KATNAL2: variants seen among roughly 807,000 people sequenced by gnomAD.
KATNAL2 encodes the protein katanin p60 ATPase-containing subunit A-like 2.
A neutral mutation model predicts 76.3 loss-of-function variants in KATNAL2; 52 were observed. The observed-to-expected ratio is 0.68, with a 90% CI of 0.55 to 0.86. KATNAL2 has a LOEUF of 0.86. Among genes scored for constraint, KATNAL2 ranks in the 40% least tolerant of loss-of-function variants. The pLI is 0.00. For synonymous variants in KATNAL2, 243 were observed against 244.2 expected (o/e 1.00, Z 0.05); for missense variants, 660 against 668.9 (o/e 0.99, Z 0.15).
Position 46,946,859 on chromosome 18 carries a change from T to A in KATNAL2, c.-14T>A. 1 of 1,535,576 alleles carries A rather than the reference T, an allele frequency of 6.5e-7. No homozygotes were observed. Among genetic ancestry groups the A allele is most frequent in the East Asian group, 2.4e-5 (1 of 40,932 alleles). ...TACTTTTCTCCCTTCTCTAGGGTCC[T>A]AGCACAGTGTCTGATGGAGCTTTCC... On this transcript the variant is annotated 5_prime_UTR_variant, in exon 3 of 18. Transcript: ENST00000683218.
In KATNAL2 at chr18:47,033,157, C is replaced by A. The variant is rs577341359; in HGVS notation, c.52-13300C>A. On this transcript the variant is annotated intron_variant, in intron 3 of 17. Transcript: ENST00000683218. ...GTTGGCCCGCTTCTCAGGGAGCCAG[C>A]GAAGGATGCTGCTGCTGCTGTCTCT... 3.7e-6 allele frequency: 6 copies of A among 1,613,924 alleles called. No individual in the cohort carries two copies. In the African/African-American group the frequency reaches 8.0e-5, roughly 22 times the overall value.
At position 47,099,291 on chromosome 18, in the gene KATNAL2, C is replaced by T. The variant is rs138624868; in HGVS notation, c.1260C>T (p.Val420=). The T allele has an allele frequency of 5.8e-4, 937 of 1,614,080 alleles. 5 individuals are homozygous for T. In the African/African-American group the frequency reaches 7.9e-3, roughly 14 times the overall value. The change falls in exon 16 of 18, where the codon GTC becomes GTT. Residue 420 remains valine, a synonymous_variant. Transcript: ENST00000683218. ...GCCGCCTGGAGAAGAGGATTCTGGT[C>T]GATCTCCCCAGCCGGGAGGCCAGGC... ...MLRRLEKRIL[V]DLPSREARQA...
Position 47,046,530 on chromosome 18 carries a change from A to G in KATNAL2, c.122+3A>G. The G allele has an allele frequency of 6.6e-7, 1 of 1,524,352 alleles. No homozygotes were observed. The highest frequency in any genetic ancestry group is 8.8e-7 in the Non-Finnish European group (1 of 1,136,142). The allele number at this position is 1,524,352 out of a possible 1,614,324, so 94.4% of individuals were successfully genotyped here. ...TCGCATTATTTAACACAAGAAGGGT[A>G]TGTTACAGTACAAACATTTATAGAG... On this transcript the variant is annotated splice_donor_region_variant and intron_variant, in intron 4 of 17. Coordinates refer to ENST00000683218, the MANE Select transcript of KATNAL2 (RefSeq NM_001387690.1).
chr18:47,044,632 G>A (rs182124223), intron 3 of KATNAL2, among the ~76,000 whole-genome samples: 1 of 151,964 alleles, frequency 6.6e-6, no homozygotes, highest in African/African-American at 2.4e-5. Context: ...GTGGTAGCGG[G>A]CTTCTGTAAT....
At chr18:46,928,086 G>A (rs969255452) in intron 1 of KATNAL2, among the ~76,000 whole-genome samples, 12 of 152,236 alleles carry the variant, frequency 7.9e-5, no homozygotes, top group East Asian at 1.9e-4. Context: ...CTCTCAACTC[G>A]TCAAAGTCAT....
At chr18:46,957,043 A>AC (rs1274685466) in intron 3 of KATNAL2, among the ~76,000 whole-genome samples, 1 of 151,328 alleles carries the variant, frequency 6.6e-6, no homozygotes, top group African/African-American at 2.4e-5. Flanking sequence ...GTCTCAAAAA[A>AC]AAAAAAAAAA....
At chr18:47,031,022 C>CA (rs2060392164) in intron 3 of KATNAL2, among the ~76,000 whole-genome samples, 1 of 39,506 alleles carries the variant, frequency 2.5e-5, no homozygotes, top group Non-Finnish European at 7.0e-5. Context: ...TCCCCCCCCC[C>CA]CCCCCGCCCC....
At chr18:47,061,062 A>G (rs2061616455) in intron 8 of KATNAL2, among the ~76,000 whole-genome samples, 1 of 152,234 alleles carries the variant, frequency 6.6e-6, no homozygotes, top group African/African-American at 2.4e-5. Context: ...TCAAAGGCAC[A>G]ATGTAGATGG....
chr18:47,055,160 C>T (rs2061437305), intron 6 of KATNAL2, among the ~76,000 whole-genome samples: 1 of 152,216 alleles, frequency 6.6e-6, no homozygotes, highest in Admixed American at 6.5e-5. Flanking sequence ...GACCCCTCCA[C>T]TGTCAGAGCT....
chr18:46,957,249 C>T lies in KATNAL2; in HGVS notation c.51+10326C>T, dbSNP rs113194398. 3.4e-3 allele frequency among the ~76,000 whole-genome samples: 250 copies of T among 73,974 alleles called. 4 individuals are homozygous for T. The highest frequency in any genetic ancestry group is 0.013 in the African/African-American group (240 of 17,860). The allele number at this position is 73,974 out of a possible 152,430, so 48.5% of individuals were successfully genotyped here. ...ATTGAGAAAAGCAGATTGCCCTCTT[C>T]TTTTTTTTTTTTTTTTTTTTTTTTG... On this transcript the variant is annotated intron_variant, in intron 3 of 17. Coordinates refer to ENST00000683218, the MANE Select transcript of KATNAL2 (RefSeq NM_001387690.1).
At chr18:47,032,930 C>G in intron 3 of KATNAL2, 3 of 1,610,324 alleles carry the variant, frequency 1.9e-6, no homozygotes, top group Non-Finnish European at 2.5e-6. Flanking sequence ...TTGGAAGTTT[C>G]GTTCCCCAAC....
chr18:47,032,715 A>G (rs868564082), intron 3 of KATNAL2: 3 of 502,544 alleles, frequency 6.0e-6, no homozygotes, highest in Non-Finnish European at 1.0e-5. Context: ...CTTATTTATG[A>G]TTACAACTAG....
Position 46,946,908 on chromosome 18 carries a change from T to C in KATNAL2, c.36T>C (p.His12=). 1 of 1,534,540 alleles carries C rather than the reference T, an allele frequency of 6.5e-7. No individual in the cohort carries two copies. The highest frequency in any genetic ancestry group is 1.2e-5 in the South Asian group (1 of 84,040). ...ELSYQTLKFT[H]QAREACEMRT... is the part of the protein sequence containing the mutation. Reference sequence around the variant, plus strand: ...CCTACCAGACCCTGAAATTCACGCATCAGGCGCGGGAAGCGGTAAGGAACG... The same window carrying C: ...CCTACCAGACCCTGAAATTCACGCACCAGGCGCGGGAAGCGGTAAGGAACG... Residue 12 remains histidine, a synonymous_variant, in exon 3 of 18, where the codon CAT becomes CAC. Coordinates refer to ENST00000683218, the MANE Select transcript of KATNAL2 (RefSeq NM_001387690.1).
At chr18:46,952,114 C>T (rs2059575827) in intron 3 of KATNAL2, among the ~76,000 whole-genome samples, 1 of 152,086 alleles carries the variant, frequency 6.6e-6, no homozygotes, top group South Asian at 2.1e-4. Context: ...CAAAGTCTCT[C>T]CCAGGCTGGA....
intron 3 of KATNAL2, among the ~76,000 whole-genome samples, chr18:47,025,583 A>G (rs143492223): frequency 0.02 from 2,965 of 151,960 alleles, 98 homozygotes; most frequent in African/African-American, 0.067. Flanking sequence ...ATAGCCTGAG[A>G]ATCGGGGAAT....
chr18:46,955,168 T>TTCTTTCTTTCTC (rs1225030985), intron 3 of KATNAL2, among the ~76,000 whole-genome samples: 2 of 147,632 alleles, frequency 1.4e-5, no homozygotes, highest in Non-Finnish European at 1.5e-5. Context: ...CTTTCTTTCT[T>TTCTTTCTTTCTC]TCTTTCTTTC....
Position 47,071,906 on chromosome 18 carries a change from T to TA in KATNAL2, c.1008+2320dup, listed in dbSNP as rs775058447. ...TGGAGTGGGAGCAAAAAAAATTAAT[T>TA]AAAAAAAAAAAAAAGAGTGAGGAAA... On this transcript the variant is annotated intron_variant, in intron 13 of 17. Transcript: ENST00000683218. Among the ~76,000 whole-genome samples the TA allele has an allele frequency of 5.0e-3, 522 of 105,354 alleles. 11 individuals carry two copies. Among genetic ancestry groups the TA allele is most frequent in the African/African-American group, 0.016 (450 of 28,254 alleles). The allele number at this position is 105,354 out of a possible 152,430, so 69.1% of individuals were successfully genotyped here.
At chr18:47,031,970 T>C (rs898241846) in intron 3 of KATNAL2, among the ~76,000 whole-genome samples, 1 of 152,158 alleles carries the variant, frequency 6.6e-6, no homozygotes, top group Non-Finnish European at 1.5e-5. Flanking sequence ...TGCTTTATAA[T>C]GAAAAGTTTT....
intron 1 of KATNAL2, among the ~76,000 whole-genome samples, chr18:46,932,253 A>G (rs1203217758): frequency 1.3e-5 from 2 of 152,104 alleles, no homozygotes; most frequent in East Asian, 3.8e-4. Flanking sequence ...AGACAATAAC[A>G]AAATTTACAT....
Sources: allele counts gnomAD v4.1 joint callset (sites outside exome capture counted in the v4.1 genomes callset), GRCh38; gene constraint gnomAD v4.1.1; transcripts MANE v1.5; gene names NCBI Gene and HGNC (gene_info 2026-07-23, HGNC 2026-07-21).